PTPRF: variants seen among roughly 807,000 people sequenced by gnomAD.
PTPRF encodes the protein protein tyrosine phosphatase receptor type F, also known as receptor-type tyrosine-protein phosphatase F.
PTPRF carries 59 observed loss-of-function variants against 201.8 expected under a neutral mutation model. The observed-to-expected ratio is 0.29, with a 90% CI of 0.24 to 0.36. The LOEUF is 0.36. Among genes scored for constraint, PTPRF ranks in the 10% least tolerant of loss-of-function variants. PTPRF has a pLI of 1.00. For missense variants in PTPRF, 2,132 were observed against 2,690.5 expected (o/e 0.79, Z 4.59); for synonymous variants, 1,088 against 1,089.7 (o/e 1.00, Z 0.03).
intron 11 of PTPRF, among the ~76,000 whole-genome samples, chr1:43,595,735 A>T (rs1557805036): frequency 6.6e-6 from 1 of 152,084 alleles, no homozygotes; most frequent in Admixed American, 6.6e-5. Flanking sequence ...ATTGCTGCAG[A>T]TGCAAGTACG....
rs1570765838 is a variant in PTPRF at position 43,621,802 on chromosome 1, G to A, written c.5656-133G>A. The A allele has an allele frequency of 9.8e-6, 8 of 818,310 alleles. No individual in the cohort carries two copies. The East Asian group carries it at 1.0e-4, about 11-fold the overall frequency. 50.7% of individuals were successfully genotyped at this position (818,310 alleles called of 1,614,324 possible). A position where few individuals can be genotyped will look rare whatever the true frequency, so the allele number is the denominator to read the frequency against. Reference sequence around the variant, plus strand: ...TTTCAGGCTCCCCCGCACACTGCCTGATGTAGCTGCCAGGGTCCAGCACCT... The same window carrying A: ...TTTCAGGCTCCCCCGCACACTGCCTAATGTAGCTGCCAGGGTCCAGCACCT... On this transcript the variant is annotated intron_variant, in intron 33 of 33. Transcript: ENST00000359947.
chr1:43,524,192 T>A (rs1314513981), upstream of PTPRF, among the ~76,000 whole-genome samples: 2 of 152,052 alleles, frequency 1.3e-5, no homozygotes, highest in Non-Finnish European at 2.9e-5. Flanking sequence ...CAGGTTGGTA[T>A]AATGGACTTT....
intron 1 of PTPRF, among the ~76,000 whole-genome samples, chr1:43,533,172 T>C (rs1260286488): frequency 2.0e-5 from 3 of 152,236 alleles, no homozygotes; most frequent in Non-Finnish European, 4.4e-5. Flanking sequence ...TGTTTTAACA[T>C]AATTCCTTCC....
At chr1:43,618,250 C>T (rs181433759) in intron 25 of PTPRF, among the ~76,000 whole-genome samples, 3 of 152,250 alleles carry the variant, frequency 2.0e-5, no homozygotes, top group Admixed American at 2.0e-4. Context: ...AACACATCTC[C>T]TAAGTTAATT....
At chr1:43,544,936 A>C in intron 2 of PTPRF, 95 bp from the exon 3 acceptor site, 1 of 713,596 alleles carries the variant, frequency 1.4e-6, no homozygotes, top group South Asian at 1.9e-5. Flanking sequence ...CTGGATGGTC[A>C]GTGAGGATGA....
rs764399239 is a variant in PTPRF, at chr1:43,617,738, G to A, written c.4198G>A (p.Val1400Ile). 3.5e-5 allele frequency: 57 copies of A among 1,612,062 alleles called. No individual in the cohort carries two copies. In the Admixed American group the frequency reaches 5.5e-4, roughly 16 times the overall value. ...SRVILTSIDG[V>I]PGSDYINANY... ...CCCACCTCCTTTCTTATCCATAGGC[G>A]TCCCCGGGAGTGACTACATCAATGC... The change falls in exon 25 of 34, where the codon GTC becomes ATC. Residue 1400 changes from valine to isoleucine, a missense_variant and splice_region_variant. By Grantham distance (29) the Val-to-Ile change is conservative (BLOSUM62 3). This residue lies in a region of PTPRF where 818 missense variants were observed against 915.3 expected (regional missense o/e 0.89). Coordinates refer to ENST00000359947, the MANE Select transcript of PTPRF (RefSeq NM_002840.5).
intron 9 of PTPRF, 101 bp downstream of exon 9, chr1:43,591,654 C>T (rs1388558042): frequency 6.9e-7 from 1 of 1,439,090 alleles, no homozygotes; most frequent in African/African-American, 1.4e-5. Flanking sequence ...GCTGGGGGCT[C>T]TTGGGAGGAT....
intron 14 of PTPRF, among the ~76,000 whole-genome samples, chr1:43,602,781 GC>G (rs1654082127): frequency 1.3e-5 from 2 of 152,326 alleles, no homozygotes; most frequent in East Asian, 3.9e-4. Context: ...GCTGTCTCAG[GC>G]ATCACTGAGA....
intron 26 of PTPRF, 58 bp from the exon 27 acceptor site, chr1:43,618,990 C>A: frequency 6.3e-7 from 1 of 1,577,700 alleles, no homozygotes. Flanking sequence ...GTCATTCAGT[C>A]CTGAGTCTAT....
chr1:43,601,493 G>T (rs1653726276), intron 13 of PTPRF, among the ~76,000 whole-genome samples: 1 of 152,222 alleles, frequency 6.6e-6, no homozygotes, highest in Non-Finnish European at 1.5e-5. Flanking sequence ...CTGGCCATGT[G>T]CCCTGTTCAC....
intron 2 of PTPRF, among the ~76,000 whole-genome samples, chr1:43,541,825 A>C (rs1644380303): frequency 6.6e-6 from 1 of 152,186 alleles, no homozygotes; most frequent in African/African-American, 2.4e-5. Flanking sequence ...TACCGTATGT[A>C]ATTGTGTTCC....
At position 43,619,720 on chromosome 1, in the gene PTPRF, G is replaced by A; in HGVS notation, c.4973G>A (p.Ser1658Asn). ...AAGGCCCACACGTCCCGCTTCATCA[G>A]CGCCAACCTGCCCTGCAACAAGTTC... ...SSKAHTSRFI[S>N]ANLPCNKFKN... The change falls in exon 29 of 34, where the codon AGC becomes AAC. Residue 1658 changes from serine (S) to asparagine (N), a missense_variant. By Grantham distance (46) the Ser-to-Asn change is conservative (BLOSUM62 1). This residue lies in a region of PTPRF where 519 missense variants were observed against 659.5 expected (regional missense o/e 0.79). Transcript: ENST00000359947. 5 of 1,614,236 alleles carry A rather than the reference G, an allele frequency of 3.1e-6. No individual in the cohort carries two copies. The highest frequency in any genetic ancestry group is 4.2e-6 in the Non-Finnish European group (5 of 1,180,032).
chr1:43,553,244 C>A lies in PTPRF; in HGVS notation c.92-248C>A, dbSNP rs965894893. ...CACTTACCAGCTGTGTCATATGGGA[C>A]AAATCCCTTAACCTCTCTGGGCCTC... On this transcript the variant is annotated intron_variant, in intron 3 of 33. Coordinates refer to ENST00000359947, the MANE Select transcript of PTPRF (RefSeq NM_002840.5). The surrounding 1 kb of genome is among the most constrained non-coding windows in gnomAD (Gnocchi z 4.1). Among the ~76,000 whole-genome samples, 2 of 152,198 alleles carry A rather than the reference C, an allele frequency of 1.3e-5. No homozygotes were observed. Among genetic ancestry groups the A allele is most frequent in the Admixed American group, 6.5e-5 (1 of 15,290 alleles).
chr1:43,599,348 A>G (rs183164346), intron 13 of PTPRF, among the ~76,000 whole-genome samples: 182 of 152,286 alleles, frequency 1.2e-3, no homozygotes, highest in Admixed American at 7.3e-3. Context: ...AGTGCTGAGA[A>G]TACAGGTGTT....
intron 7 of PTPRF, among the ~76,000 whole-genome samples, chr1:43,584,364 A>ATC (rs1648567770): frequency 6.6e-6 from 1 of 152,184 alleles, no homozygotes; most frequent in Admixed American, 6.5e-5. Flanking sequence ...CTAGGCTCAG[A>ATC]TATCAGCCCT....
Position 43,542,868 on chromosome 1 carries a change from C to T in PTPRF, c.-45-2163C>T, listed in dbSNP as rs146401176. Among the ~76,000 whole-genome samples the T allele has an allele frequency of 2.6e-3, 395 of 152,286 alleles. 1 individual carries two copies. Among genetic ancestry groups the T allele is most frequent in the African/African-American group, 9.0e-3 (374 of 41,550 alleles). Reference sequence around the variant, plus strand: ...TGCTCATTGTACTGGGGAGCTATATCCCATGATGACGGTGCTGTGCATTTT... The same window carrying T: ...TGCTCATTGTACTGGGGAGCTATATTCCATGATGACGGTGCTGTGCATTTT... On this transcript the variant is annotated intron_variant, in intron 2 of 33. Transcript: ENST00000359947. The surrounding 1 kb of genome is among the most constrained non-coding windows in gnomAD (Gnocchi z 5.2).
At chr1:43,531,298 G>T (rs1415702454) in intron 1 of PTPRF, among the ~76,000 whole-genome samples, 3 of 48,026 alleles carry the variant, frequency 6.2e-5, no homozygotes, top group African/African-American at 8.4e-5. Context: ...GCTCCTCCCC[G>T]CTCACCCCGC....
At position 43,578,448 on chromosome 1, in the gene PTPRF, G is replaced by T. The variant is rs143139546; in HGVS notation, c.569-362G>T. Among the ~76,000 whole-genome samples, 251 of 152,340 alleles carry T rather than the reference G, an allele frequency of 1.6e-3. 3 individuals are homozygous for T. The highest frequency in any genetic ancestry group is 5.7e-3 in the African/African-American group (239 of 41,576). On this transcript the variant is annotated intron_variant, in intron 6 of 33. Coordinates refer to ENST00000359947, the MANE Select transcript of PTPRF (RefSeq NM_002840.5). ...TGGCTCTGACTGGCTTAGTGGGGCT[G>T]CGGGGCCAGGAACACTAACAGGGAT... is the stretch of plus-strand genomic sequence containing the variant.
Position 43,592,605 on chromosome 1 carries a change from A to T in PTPRF, c.1813+4A>T. 6.3e-7 allele frequency: 1 copy of T among 1,579,830 alleles called. No individual in the cohort carries two copies. The highest frequency in any genetic ancestry group is 8.6e-7 in the Non-Finnish European group (1 of 1,162,300). On this transcript the variant is annotated splice_donor_region_variant and intron_variant, in intron 11 of 33. Transcript: ENST00000359947. ...GAGGCCCGCACAGCCCAGTCCAGTA[A>T]GTGTCTCCCAAGTCCGCTGCCTGTT...
Sources: gnomAD v4.1 joint callset for allele counts (sites outside exome capture counted in the v4.1 genomes callset) on GRCh38, gnomAD v4.1.1 for gene constraint, gnomAD v4.1.1 regional missense constraint, Gnocchi (gnomAD v3.1) non-coding constraint, MANE v1.5 for transcripts, NCBI Gene and HGNC (gene_info 2026-07-23, HGNC 2026-07-21) for gene names.